SATB1: variants seen among roughly 807,000 people sequenced by gnomAD.
SATB1 encodes SATB homeobox 1.
Under a neutral mutation model 86.9 loss-of-function variants are expected in SATB1, and 11 were observed. That is an observed-to-expected ratio of 0.13 (90% CI 0.08 to 0.21). The LOEUF is 0.21. Ranked by LOEUF, SATB1 falls within the 10% of genes least tolerant of loss-of-function variation. The pLI, the probability that SATB1 is intolerant of heterozygous loss-of-function variation, is 1.00. For missense variants in SATB1, 551 were observed against 937.6 expected, an observed-to-expected ratio of 0.59 and a Z score of 5.39; for synonymous variants, 357 against 357.2, an observed-to-expected ratio of 1.00 and a Z score of 0.01.
In SATB1 at chr3:18,349,249, T is replaced by G. The variant is rs1365798447; in HGVS notation, c.2213A>C (p.Asn738Thr). 1 of 1,614,190 alleles carries G rather than the reference T, an allele frequency of 6.2e-7. No homozygotes were observed. Among genetic ancestry groups the G allele is most frequent in the South Asian group, 1.1e-5 (1 of 91,084 alleles). ...TTCTAGTTTCACTGAAAAAAGGGTG[T>G]TAGTATTTTTATCTTGGACACTCTC... Reference protein sequence around the residue: ...LEESVQDKNTNTLFSVKLEEE... With the variant: ...LEESVQDKNTTTLFSVKLEEE... Residue 738 changes from asparagine to threonine, a missense_variant, in exon 11 of 11, where the codon AAC (asparagine) becomes ACC (threonine). Physicochemically the swap from Asn to Thr is moderately conservative, Grantham distance 65. Around this residue, in one of 8 missense-constraint regions of SATB1, gnomAD observed 41 missense variants for 38.9 expected, o/e 1.06. Transcript: ENST00000338745. The surrounding 1 kb of genome is among the most constrained non-coding windows in gnomAD (Gnocchi z 5.5).
Position 18,444,523 on chromosome 3 carries a change from T to G in SATB1, c.-25+995A>C. On this transcript the variant is annotated intron_variant, in intron 1 of 3. Transcript: ENST00000415069. The surrounding 1 kb of genome is among the most constrained non-coding windows in gnomAD (Gnocchi z 5.1). ...CGAGGAGTGGGTGCTACGGAGAAGT[T>G]TGGATTGATTCCGGAAAAAGAGGGA... is the stretch of plus-strand genomic sequence containing the variant. 7 of 941,426 alleles carry G rather than the reference T, an allele frequency of 7.4e-6. No homozygotes were observed. The highest frequency in any genetic ancestry group is 8.9e-6 in the Non-Finnish European group (7 of 790,314). 58.3% of individuals were successfully genotyped at this position (941,426 alleles called of 1,614,324 possible).
Position 18,349,354 on chromosome 3 carries a change from T to G in SATB1, c.2108A>C (p.His703Pro). Reference protein sequence around the residue: ...FQNQRYYLKHHGKLKDNSGLE... With the variant: ...FQNQRYYLKHPGKLKDNSGLE... ...ACCGGAATTGTCCTTCAGTTTGCCG[T>G]GGTGCTTGAGATAGTACCGCTGGTT... Residue 703 changes from histidine (H) to proline (P), a missense_variant, in exon 11 of 11, where the codon CAC becomes CCC. Coordinates refer to ENST00000338745, the MANE Select transcript of SATB1 (RefSeq NM_002971.6). The surrounding 1 kb of genome is among the most constrained non-coding windows in gnomAD (Gnocchi z 5.5). 1 of 1,614,208 alleles carries G rather than the reference T, an allele frequency of 6.2e-7. No homozygotes were observed. Among genetic ancestry groups the G allele is most frequent in the Non-Finnish European group, 8.5e-7 (1 of 1,180,032 alleles).
At chr3:18,409,045 G>C (rs1316942193) in intron 5 of SATB1, 1 of 151,968 alleles carries the variant, frequency 6.6e-6, no homozygotes, top group African/African-American at 2.4e-5. Context: ...TAGTGATTTT[G>C]AGGTCAAAGG....
At chr3:18,437,162 A>T (rs1264665172) in intron 1 of SATB1, among the ~76,000 whole-genome samples, 1 of 152,212 alleles carries the variant, frequency 6.6e-6, no homozygotes, top group Non-Finnish European at 1.5e-5. Flanking sequence ...AAAAAGAAGT[A>T]TTAAGAGGAG....
At chr3:18,429,811 CAT>C (rs1422146993), upstream of SATB1, among the ~76,000 whole-genome samples, 3 of 152,194 alleles carry the variant, frequency 2.0e-5, no homozygotes, top group African/African-American at 7.2e-5. This position sits in a 1 kb window ranked among gnomAD's most constrained non-coding sequence, Gnocchi z 4.1. Flanking sequence ...TGGCTTAATA[CAT>C]GTCTCCCTTA....
Position 18,443,869 on chromosome 3 carries a change from A to G in SATB1, c.-25+1649T>C, listed in dbSNP as rs1028342985. On this transcript the variant is annotated intron_variant, in intron 1 of 3. Coordinates refer to the SATB1 transcript ENST00000415069. The surrounding 1 kb of genome is among the most constrained non-coding windows in gnomAD (Gnocchi z 4.4). The stretch of plus-strand genomic sequence containing the variant: ...TCTTCTGCCTCTTGCCCAACTCCAA[A>G]CCCACATTCACGCCAGCAGCCTCTC... 2.0e-5 allele frequency among the ~76,000 whole-genome samples: 3 copies of G among 151,896 alleles called. No homozygotes were observed.
At chr3:18,414,677 T>C (rs898994897) in intron 5 of SATB1, among the ~76,000 whole-genome samples, 5 of 152,060 alleles carry the variant, frequency 3.3e-5, no homozygotes, top group Admixed American at 6.6e-5. Context: ...ATCCAAGAAT[T>C]GTACTGTTAT....
chr3:18,363,468 A>C (rs906538475), intron 9 of SATB1, among the ~76,000 whole-genome samples: 1 of 152,164 alleles, frequency 6.6e-6, no homozygotes, highest in East Asian at 1.9e-4. Flanking sequence ...GAGACAAGGG[A>C]GACTGGGGCT....
intron 9 of SATB1, among the ~76,000 whole-genome samples, chr3:18,372,402 A>C (rs1418956556): frequency 3.9e-5 from 6 of 152,308 alleles, no homozygotes; most frequent in South Asian, 2.1e-4. Context: ...GTTAATTCTA[A>C]ATTTATGGGG....
In SATB1 at chr3:18,347,281, A is replaced by G. The variant is rs754385030; in HGVS notation, c.*1889T>C. The G allele has an allele frequency of 6.6e-5, 10 of 152,106 alleles. No homozygotes were observed. The highest frequency in any genetic ancestry group is 5.2e-4 in the Admixed American group (8 of 15,270). 9.4% of individuals were successfully genotyped at this position (152,106 alleles called of 1,614,324 possible). ...AAGTGAGGGAGCAAATAAAAGAAAA[A>G]TCACCCCAAACTGTAATGCTGGCCT... On this transcript the variant is annotated 3_prime_UTR_variant, in exon 11 of 11. Coordinates refer to ENST00000338745, the MANE Select transcript of SATB1 (RefSeq NM_002971.6).
At chr3:18,395,232 C>T (rs941637964) in intron 6 of SATB1, among the ~76,000 whole-genome samples, 1 of 152,174 alleles carries the variant, frequency 6.6e-6, no homozygotes, top group African/African-American at 2.4e-5. Flanking sequence ...CCCAAGAAGG[C>T]TTCTAAGCAA....
chr3:18,392,845 T>C (rs1696756003), intron 7 of SATB1, among the ~76,000 whole-genome samples: 2 of 152,176 alleles, frequency 1.3e-5, no homozygotes, highest in Non-Finnish European at 2.9e-5. Flanking sequence ...AGGTGTCATA[T>C]TAAGTTCACC....
upstream of SATB1, among the ~76,000 whole-genome samples, chr3:18,430,005 G>A (rs1025599990): frequency 1.3e-5 from 2 of 152,168 alleles, no homozygotes; most frequent in Non-Finnish European, 2.9e-5. Context: ...TAAAGTGATT[G>A]TAGGAAGAGG....
chr3:18,415,945 G>C, intron 4 of SATB1, 62 bp downstream of exon 4: 1 of 1,448,412 alleles, frequency 6.9e-7, no homozygotes, highest in Non-Finnish European at 9.3e-7. Context: ...AGAGAGAAAT[G>C]CTTCATTTCA....
upstream of SATB1, among the ~76,000 whole-genome samples, chr3:18,442,756 T>C (rs1699274011): frequency 6.6e-6 from 1 of 152,192 alleles, no homozygotes; most frequent in East Asian, 1.9e-4. Flanking sequence ...ACAGAGTAAA[T>C]ATATTAAATT....
At chr3:18,369,798 T>G (rs1695372811) in intron 9 of SATB1, among the ~76,000 whole-genome samples, 1 of 152,196 alleles carries the variant, frequency 6.6e-6, no homozygotes, top group Admixed American at 6.5e-5. Flanking sequence ...TACATCTGGT[T>G]GTGCTGGTAG....
intron 5 of SATB1, 63 bp from the exon 6 acceptor site, chr3:18,397,353 G>T: frequency 1.1e-6 from 1 of 943,722 alleles, no homozygotes; most frequent in Non-Finnish European, 1.7e-6. Context: ...ACACAGAAAT[G>T]ATCTCAATTG....
Position 18,397,304 on chromosome 3 carries a change from G to C in SATB1, c.640-14C>G, listed in dbSNP as rs375794789. The C allele has an allele frequency of 5.7e-6, 8 of 1,395,082 alleles. No individual in the cohort carries two copies. The African/African-American group carries it at 9.9e-5, about 17-fold the overall frequency. The allele number at this position is 1,395,082 out of a possible 1,614,324, so 86.4% of individuals were successfully genotyped here. ...AGAAATCATACTCTGCATGAAGAAG[G>C]GGGGAGAATATTTGTAATACACAGC... On this transcript the variant is annotated splice_polypyrimidine_tract_variant and intron_variant, in intron 5 of 10. Transcript: ENST00000338745.
chr3:18,410,073 A>G (rs919570149), intron 5 of SATB1, among the ~76,000 whole-genome samples: 1 of 152,038 alleles, frequency 6.6e-6, no homozygotes, highest in Non-Finnish European at 1.5e-5. Flanking sequence ...CGTCCCAAAT[A>G]CCAAGTTATC....
Sources: allele counts gnomAD v4.1 joint callset (sites outside exome capture counted in the v4.1 genomes callset), GRCh38; gene constraint gnomAD v4.1.1; regional missense constraint gnomAD v4.1.1; non-coding constraint Gnocchi (gnomAD v3.1); transcripts MANE v1.5; gene names NCBI Gene and HGNC (gene_info 2026-07-23, HGNC 2026-07-21).